SGCG: variants seen among roughly 807,000 people sequenced by gnomAD.
The protein encoded by SGCG is sarcoglycan gamma, also known as gamma-sarcoglycan.
A neutral mutation model predicts 29.3 loss-of-function variants in SGCG; 26 were observed. That is an observed-to-expected ratio of 0.89 (90% CI 0.65 to 1.23). The LOEUF (loss-of-function observed/expected upper bound fraction) is 1.23, where lower values mean the gene tolerates loss of function less well. Among genes scored for constraint, SGCG ranks in the 50% most tolerant of loss-of-function variants. The probability of loss-of-function intolerance (pLI) is 0.00; values close to 1 mark genes in which losing one functional copy is unlikely to be tolerated. For synonymous variants in SGCG, 145 were observed against 129.7 expected (o/e 1.12, Z -0.80); for missense variants, 353 against 356.0 (o/e 0.99, Z 0.07).
the SGCG span, among the ~76,000 whole-genome samples, chr13:23,172,822 T>A: frequency 6.6e-6 from 1 of 151,952 alleles, no homozygotes; most frequent in Non-Finnish European, 1.5e-5. Flanking sequence ...AGGCCAGGAG[T>A]AGGATGAAGG....
rs55873099 is a variant in SGCG, at chr13:23,275,120, A to AATATATATATATATATATATAT, written c.386-4237_386-4216dup. On this transcript the variant is annotated intron_variant, in intron 4 of 7. Transcript: ENST00000218867. ...GGTAGGATAGTGTTCTAATGGATGG[A>AATATATATATATATATATATAT]ATATATATATATATATATATATAGA... is the stretch of plus-strand genomic sequence containing the variant. Among the ~76,000 whole-genome samples the AATATATATATATATATATATAT allele has an allele frequency of 7.3e-3, 946 of 129,586 alleles. 19 individuals carry two copies. Among genetic ancestry groups the AATATATATATATATATATATAT allele is most frequent in the East Asian group, 0.019 (79 of 4,222 alleles). The allele number at this position is 129,586 out of a possible 152,430, so 85.0% of individuals were successfully genotyped here. A position where few individuals can be genotyped will look rare whatever the true frequency, so the allele number is the denominator to read the frequency against.
Position 23,279,492 on chromosome 13 carries a change from C to G in SGCG, c.505+14C>G, listed in dbSNP as rs1432691963. ...TTCGAGTAACTGGTATGTACTAACT[C>G]GAGAAAAACACAACATTCCATGGAG... On this transcript the variant is annotated intron_variant, in intron 5 of 7. Transcript: ENST00000218867. 1.2e-6 allele frequency: 2 copies of G among 1,610,470 alleles called. No homozygotes were observed. The highest frequency in any genetic ancestry group is 1.7e-6 in the Non-Finnish European group (2 of 1,177,744).
chr13:23,160,703 C>G, the SGCG span, among the ~76,000 whole-genome samples: 1 of 152,108 alleles, frequency 6.6e-6, no homozygotes, highest in Non-Finnish European at 1.5e-5. Flanking sequence ...ATTCCTGGGT[C>G]CCTTCCTTCT....
the SGCG span, among the ~76,000 whole-genome samples, chr13:23,167,567 T>G: frequency 6.6e-6 from 1 of 152,226 alleles, no homozygotes; most frequent in East Asian, 1.9e-4. Context: ...GCATTTGTTA[T>G]TGCCTGTCTT....
At chr13:23,258,544 C>T (rs1403557356) in intron 4 of SGCG, among the ~76,000 whole-genome samples, 7 of 152,052 alleles carry the variant, frequency 4.6e-5, no homozygotes, top group Admixed American at 4.6e-4. Context: ...TTTATTTCTT[C>T]CTCTTGCCTG....
chr13:23,317,992 G>A (rs1882889893), intron 6 of SGCG, among the ~76,000 whole-genome samples: 1 of 152,194 alleles, frequency 6.6e-6, no homozygotes, highest in Non-Finnish European at 1.5e-5. Context: ...ATATAATGCA[G>A]GCAGAAAAAT....
chr13:23,176,727 G>A (rs1196941282), upstream of SGCG, among the ~76,000 whole-genome samples: 1 of 152,020 alleles, frequency 6.6e-6, no homozygotes, highest in East Asian at 1.9e-4. Context: ...CTATTTACAT[G>A]GAAGGTTATT....
intron 5 of SGCG, among the ~76,000 whole-genome samples, chr13:23,286,377 G>T (rs898890289): frequency 9.2e-5 from 14 of 152,228 alleles, no homozygotes; most frequent in African/African-American, 3.4e-4. Context: ...AGTTAGATTT[G>T]CCAGCAACTA....
At chr13:23,174,046 G>C in the SGCG span, among the ~76,000 whole-genome samples, 1 of 152,188 alleles carries the variant, frequency 6.6e-6, no homozygotes, top group Non-Finnish European at 1.5e-5. Flanking sequence ...CAATTTGAGA[G>C]CAGAATAGAT....
At chr13:23,176,271 G>T (rs7333324), upstream of SGCG, among the ~76,000 whole-genome samples, 19,714 of 151,972 alleles carry the variant, frequency 0.13, 1,382 homozygotes, top group African/African-American at 0.17. Context: ...TTCATTGACG[G>T]CTCACTACAT....
At chr13:23,305,657 G>A (rs1006127902) in intron 6 of SGCG, among the ~76,000 whole-genome samples, 1 of 152,192 alleles carries the variant, frequency 6.6e-6, no homozygotes, top group Admixed American at 6.5e-5. Flanking sequence ...ATGTGAATGT[G>A]TGTTTTATAA....
chr13:23,286,291 G>C (rs988150154), intron 5 of SGCG, among the ~76,000 whole-genome samples: 7 of 152,218 alleles, frequency 4.6e-5, no homozygotes, highest in African/African-American at 1.2e-4. Flanking sequence ...TCTTGCAAAA[G>C]ATGTAGGGTT....
At chr13:23,213,581 C>T (rs1239248977) in intron 2 of SGCG, among the ~76,000 whole-genome samples, 1 of 152,198 alleles carries the variant, frequency 6.6e-6, no homozygotes, top group African/African-American at 2.4e-5. Flanking sequence ...TTATCCAAAA[C>T]CAAAATGACT....
intron 6 of SGCG, among the ~76,000 whole-genome samples, chr13:23,312,403 C>A (rs537414998): frequency 6.6e-6 from 1 of 152,146 alleles, no homozygotes; most frequent in South Asian, 2.1e-4. Flanking sequence ...AATAATTGTA[C>A]TTGAAGCCAT....
intron 2 of SGCG, among the ~76,000 whole-genome samples, chr13:23,204,333 T>C (rs1378461293): frequency 2.0e-5 from 3 of 152,228 alleles, no homozygotes; most frequent in African/African-American, 4.8e-5. Flanking sequence ...AAAAACCCTA[T>C]GCTGATGTAC....
rs71100168 is a variant in SGCG, at chr13:23,299,456, A to ATTTTTTTTTTTTT, written c.578+3973_578+3985dup. On this transcript the variant is annotated intron_variant, in intron 6 of 7. Transcript: ENST00000218867. ...TATATATATATATATATATATATAT[A>ATTTTTTTTTTTTT]TTTTTTTTTTTTTTTTAGTCGGAGT... Among the ~76,000 whole-genome samples, 47 of 41,526 alleles carry ATTTTTTTTTTTTT rather than the reference A, an allele frequency of 1.1e-3. 4 individuals are homozygous for ATTTTTTTTTTTTT. The highest frequency in any genetic ancestry group is 1.9e-3 in the Non-Finnish European group (40 of 20,832). 27.2% of individuals were successfully genotyped at this position (41,526 alleles called of 152,430 possible). A position where few individuals can be genotyped will look rare whatever the true frequency, so the allele number is the denominator to read the frequency against.
At chr13:23,208,635 A>G (rs556828629) in intron 2 of SGCG, among the ~76,000 whole-genome samples, 12 of 152,256 alleles carry the variant, frequency 7.9e-5, no homozygotes, top group Non-Finnish European at 1.2e-4. Context: ...TTAAAACTTG[A>G]TGTAAGATAA....
chr13:23,321,963 G>A (rs892252916), intron 7 of SGCG, among the ~76,000 whole-genome samples: 11 of 151,988 alleles, frequency 7.2e-5, no homozygotes, highest in African/African-American at 1.4e-4. Context: ...GACATGTTAG[G>A]GATGTTCCTA....
chr13:23,232,535 G>T (rs1306251187), intron 2 of SGCG, among the ~76,000 whole-genome samples: 1 of 152,144 alleles, frequency 6.6e-6, no homozygotes, highest in African/African-American at 2.4e-5. Context: ...ATGCTTTTAA[G>T]ACAGTGGGAG....
Sources: allele counts gnomAD v4.1 joint callset (sites outside exome capture counted in the v4.1 genomes callset), GRCh38; gene constraint gnomAD v4.1.1; transcripts MANE v1.5; gene names NCBI Gene and HGNC (gene_info 2026-07-23, HGNC 2026-07-21).